SIPA1L3: variants seen among roughly 807,000 people sequenced by gnomAD.
SIPA1L3 encodes the protein signal-induced proliferation-associated 1-like protein 3.
A neutral mutation model predicts 150.1 loss-of-function variants in SIPA1L3; 59 were observed. The ratio of observed to expected loss-of-function variants is 0.39; its 90% CI spans 0.32 to 0.49. SIPA1L3 has a LOEUF of 0.49. Among genes scored for constraint, SIPA1L3 ranks in the 20% least tolerant of loss-of-function variants. SIPA1L3 has a pLI of 0.86. For missense variants in SIPA1L3, 2,211 were observed against 2,489.5 expected, an observed-to-expected ratio of 0.89 and a Z score of 2.38; for synonymous variants, 1,070 against 1,077.6, an observed-to-expected ratio of 0.99 and a Z score of 0.14.
intron 15 of SIPA1L3, among the ~76,000 whole-genome samples, chr19:38,172,472 G>C (rs568920127): frequency 2.6e-5 from 4 of 152,310 alleles, no homozygotes; most frequent in African/African-American, 9.6e-5. Flanking sequence ...TGTGCCAGGA[G>C]GTGATAAGTG....
At chr19:38,141,688 G>A (rs899938433) in intron 11 of SIPA1L3, among the ~76,000 whole-genome samples, 1 of 152,208 alleles carries the variant, frequency 6.6e-6, no homozygotes, top group Non-Finnish European at 1.5e-5. Flanking sequence ...GACGACTGAA[G>A]CTCTGCTTTT....
intron 7 of SIPA1L3, 60 bp from the exon 8 acceptor site, chr19:38,110,167 G>C: frequency 6.5e-7 from 1 of 1,550,082 alleles, no homozygotes; most frequent in Non-Finnish European, 8.9e-7. Context: ...AGTGGTCCAG[G>C]CAGGACCCGT....
chr19:37,985,947 AGCTGCGCCGTCAT>A (rs1880026970), intron 1 of SIPA1L3, among the ~76,000 whole-genome samples: 1 of 152,256 alleles, frequency 6.6e-6, no homozygotes, highest in South Asian at 2.1e-4. Flanking sequence ...AAGGTGACCC[AGCTGCGCCGTCAT>A]GCGAGCAAAG....
intron 1 of SIPA1L3, among the ~76,000 whole-genome samples, chr19:37,965,191 C>T (rs542830116): frequency 6.6e-6 from 1 of 152,042 alleles, no homozygotes; most frequent in African/African-American, 2.4e-5. Flanking sequence ...ATCAAATTTG[C>T]TAGTTTGTAT....
intron 16 of SIPA1L3, among the ~76,000 whole-genome samples, chr19:38,187,516 G>A (rs1342456433): frequency 2.0e-5 from 3 of 151,548 alleles, no homozygotes; most frequent in Admixed American, 6.6e-5. Context: ...AGGAGATCGA[G>A]TCCATCCTGG....
intron 9 of SIPA1L3, among the ~76,000 whole-genome samples, chr19:38,121,466 C>T (rs1971016076): frequency 1.3e-5 from 2 of 149,762 alleles, no homozygotes; most frequent in South Asian, 2.1e-4. Context: ...ATAGGCCGGG[C>T]GTGGTGGCTC....
intron 17 of SIPA1L3, 79 bp downstream of exon 17, chr19:38,192,389 T>C (rs1972824499): frequency 7.4e-7 from 1 of 1,346,906 alleles, no homozygotes; most frequent in Admixed American, 2.5e-5. Flanking sequence ...GGAGAAGGGC[T>C]GTGCTCCCCA....
chr19:38,139,243 A>T (rs1971515338), intron 10 of SIPA1L3, among the ~76,000 whole-genome samples: 1 of 152,190 alleles, frequency 6.6e-6, no homozygotes, highest in Non-Finnish European at 1.5e-5. Context: ...GGCCCTGCTT[A>T]GAGCACATGA....
rs1270531187 is a variant in SIPA1L3 at position 38,071,222 on chromosome 19, TATC to T, written c.-310-10033_-310-10031del. Among the ~76,000 whole-genome samples the T allele has an allele frequency of 3.3e-5, 5 of 149,816 alleles. No homozygotes were observed. The East Asian group carries it at 1.1e-3, about 32-fold the overall frequency. On this transcript the variant is annotated intron_variant, in intron 2 of 21. Transcript: ENST00000222345. ...TGTTTTATCTATCTATCTATCTATC[TATC>T]TATCTATCTATCTATCTATCTATCT...
chr19:37,925,232 C>T (rs145645822), intron 1 of SIPA1L3, among the ~76,000 whole-genome samples: 2 of 152,118 alleles, frequency 1.3e-5, no homozygotes, highest in Non-Finnish European at 1.5e-5. Context: ...GCTCCATGGT[C>T]GTCTTGTGGG....
intron 1 of SIPA1L3, among the ~76,000 whole-genome samples, chr19:37,968,818 A>G (rs1167213357): frequency 1.3e-5 from 2 of 152,188 alleles, no homozygotes; most frequent in Non-Finnish European, 2.9e-5. Context: ...TTCTGCAGAA[A>G]TTCTGAAGCT....
At position 38,206,621 on chromosome 19, in the gene SIPA1L3, C is replaced by T; in HGVS notation, c.*381C>T. The T allele has an allele frequency of 5.6e-6, 1 of 179,210 alleles. No homozygotes were observed. 11.1% of individuals were successfully genotyped at this position (179,210 alleles called of 1,614,324 possible). ...CAGACGCCTCGGCTCCAGGAGGTCA[C>T]ACAGCAGGTTTCTGCACCACGCACA... On this transcript the variant is annotated 3_prime_UTR_variant, in exon 22 of 22. Transcript: ENST00000222345.
chr19:37,963,276 C>T (rs1327584381), intron 1 of SIPA1L3, among the ~76,000 whole-genome samples: 1 of 152,194 alleles, frequency 6.6e-6, no homozygotes, highest in East Asian at 1.9e-4. Flanking sequence ...AGCAAGGGCC[C>T]CCTCTAGTCT....
At chr19:37,936,368 A>G (rs2046600560) in intron 1 of SIPA1L3, among the ~76,000 whole-genome samples, 7 of 152,158 alleles carry the variant, frequency 4.6e-5, no homozygotes. Flanking sequence ...GCATACATTC[A>G]CTTATCAACT....
intron 10 of SIPA1L3, among the ~76,000 whole-genome samples, chr19:38,137,044 A>G (rs1393806346): frequency 6.6e-6 from 1 of 152,194 alleles, no homozygotes; most frequent in Non-Finnish European, 1.5e-5. Flanking sequence ...GCCCCATATT[A>G]CAGATTAGGA....
intron 2 of SIPA1L3, among the ~76,000 whole-genome samples, chr19:38,042,698 CT>C (rs1968954328): frequency 6.6e-6 from 1 of 152,212 alleles, no homozygotes; most frequent in African/African-American, 2.4e-5. Flanking sequence ...GCATATCTTG[CT>C]TTATCTTTGG....
At chr19:38,141,679 A>G (rs1225110588) in intron 11 of SIPA1L3, among the ~76,000 whole-genome samples, 2 of 152,134 alleles carry the variant, frequency 1.3e-5, no homozygotes, top group African/African-American at 4.8e-5. Context: ...TACTAAGTAG[A>G]CGACTGAAGC....
chr19:38,199,549 C>T (rs1198224263), intron 19 of SIPA1L3, among the ~76,000 whole-genome samples: 2 of 152,114 alleles, frequency 1.3e-5, no homozygotes, highest in Non-Finnish European at 2.9e-5. Flanking sequence ...GCGTCACAGT[C>T]GCCTAGGGAG....
In SIPA1L3 at chr19:38,082,646, T is replaced by C. The variant is rs762227164; in HGVS notation, c.1081T>C (p.Ser361Pro). Residue 361 changes from serine (S) to proline (P), a missense_variant, in exon 3 of 22, where the codon TCG becomes CCG. Coordinates refer to ENST00000222345, the MANE Select transcript of SIPA1L3 (RefSeq NM_015073.3). The part of the protein sequence containing the change: ...DLNEAAANRV[S>P]VSQRRNTTTG... ...CAACGAGGCGGCCGCCAACAGGGTG[T>C]CGGTGTCGCAGCGGCGGAACACCAC... The C allele has an allele frequency of 3.5e-5, 56 of 1,606,550 alleles. No homozygotes were observed. The highest frequency in any genetic ancestry group is 5.1e-6 in the Non-Finnish European group (6 of 1,179,730).
Sources: allele counts gnomAD v4.1 joint callset (sites outside exome capture counted in the v4.1 genomes callset), GRCh38; gene constraint gnomAD v4.1.1; transcripts MANE v1.5; gene names NCBI Gene and HGNC (gene_info 2026-07-23, HGNC 2026-07-21).